The following COL2A1 variants were observed in gnomAD, a reference collection of about 807,000 sequenced individuals.
COL2A1 encodes collagen alpha-1(II) chain.
COL2A1 carries 28 observed loss-of-function variants against 204.5 expected under a neutral mutation model. The ratio of observed to expected loss-of-function variants is 0.14; its 90% CI spans 0.10 to 0.19. The LOEUF is 0.19. Ranked by LOEUF, COL2A1 falls within the 10% of genes least tolerant of loss-of-function variation. The pLI, the probability that COL2A1 is intolerant of heterozygous loss-of-function variation, is 1.00. For synonymous variants in COL2A1, 708 were observed against 718.7 expected, an observed-to-expected ratio of 0.99 and a Z score of 0.24; for missense variants, 1,388 against 2,027.5, an observed-to-expected ratio of 0.68 and a Z score of 6.06.
At chr12:48,004,148 C>T (rs367772482) in intron 1 of COL2A1, 89 bp downstream of exon 1, 2 of 1,024,750 alleles carry the variant, frequency 2.0e-6, no homozygotes. Context: ...CCCGGAGCCG[C>T]GGGCTCCAGA....
chr12:47,983,765 G>T (rs1238859237), intron 29 of COL2A1, 29 bp from the exon 30 acceptor site: 13 of 1,566,732 alleles, frequency 8.3e-6, no homozygotes, highest in Non-Finnish European at 1.1e-5. Flanking sequence ...GGTGAGCTGA[G>T]CCAGTGTTCC....
intron 11 of COL2A1, among the ~76,000 whole-genome samples, chr12:47,994,909 G>C (rs1394254463): frequency 6.6e-6 from 1 of 152,160 alleles, no homozygotes. Flanking sequence ...TTACAATTAA[G>C]ATAATGCTGG....
In COL2A1 at chr12:47,987,046, A is replaced by C. The variant is rs1225252198; in HGVS notation, c.1365+32T>G. On this transcript the variant is annotated intron_variant, in intron 21 of 53. Coordinates refer to ENST00000380518, the MANE Select transcript of COL2A1 (RefSeq NM_001844.5). The surrounding 1 kb of genome is among the most constrained non-coding windows in gnomAD (Gnocchi z 4.1). ...GATGGGGTTTGACTCCAGAGATGTC[A>C]GTGGAACTTGGGGGTCACTTTGGGC... 6.2e-7 allele frequency: 1 copy of C among 1,602,406 alleles called. No homozygotes were observed. Among genetic ancestry groups the C allele is most frequent in the East Asian group, 2.2e-5 (1 of 44,826 alleles).
At chr12:47,993,782 A>C (rs746208491) in intron 14 of COL2A1, 27 bp downstream of exon 14, 1 of 1,612,594 alleles carries the variant, frequency 6.2e-7, no homozygotes, top group Non-Finnish European at 8.5e-7. Context: ...CCTCCTCCCC[A>C]TCCCATTGTA....
Position 47,992,673 on chromosome 12 carries a change from C to G in COL2A1, c.1023+205G>C, listed in dbSNP as rs546823037. ...CTGGTTAAGAGAATCATGCTTTCAC[C>G]CATCGACCCTCCCATTCCTATCCTT... On this transcript the variant is annotated intron_variant, in intron 16 of 53. Transcript: ENST00000380518. Among the ~76,000 whole-genome samples, 420 of 152,240 alleles carry G rather than the reference C, an allele frequency of 2.8e-3. 1 individual carries two copies. The highest frequency in any genetic ancestry group is 9.2e-3 in the African/African-American group (383 of 41,522).
intron 35 of COL2A1, 89 bp from the exon 36 acceptor site, chr12:47,981,918 C>A: frequency 2.2e-6 from 3 of 1,393,522 alleles, no homozygotes; most frequent in Non-Finnish European, 3.0e-6. Context: ...GGTGCGTGCT[C>A]CCACCGCCTC....
At chr12:47,995,407 CT>C in intron 10 of COL2A1, 99 bp from the exon 11 acceptor site, 1 of 1,073,430 alleles carries the variant, frequency 9.3e-7, no homozygotes, top group Non-Finnish European at 1.5e-6. Context: ...GCCAGTTCTT[CT>C]ATGAAGAAGA....
chr12:47,983,631 G>C, intron 30 of COL2A1, 52 bp downstream of exon 30: 1 of 1,562,918 alleles, frequency 6.4e-7, no homozygotes, highest in Non-Finnish European at 8.7e-7. Context: ...CTGTCCCAGG[G>C]AGCCCTGGGT....
rs1938753394 is a variant in COL2A1 at position 47,977,100 on chromosome 12, A to G, written c.3327+2T>C. The G allele has an allele frequency of 1.2e-6, 2 of 1,604,706 alleles. No homozygotes were observed. Among genetic ancestry groups the G allele is most frequent in the African/African-American group, 2.7e-5 (2 of 74,836 alleles). On this transcript the variant is annotated splice_donor_variant, in intron 47 of 53. Transcript: ENST00000380518. LOFTEE classifies it high-confidence loss of function. ...CTCAGTGCAGGACACTTGGATACTC[A>G]CCTGGATTCCCCGGGCTCCAGCTGG...
chr12:48,004,508 C>T (rs41317877), upstream of COL2A1: 6,011 of 525,444 alleles, frequency 0.011, 154 homozygotes, highest in African/African-American at 0.072. Flanking sequence ...CCGTTATATG[C>T]GCCCGGCCCC....
chr12:48,001,628 C>T (rs1420397285), intron 1 of COL2A1, among the ~76,000 whole-genome samples: 3 of 152,212 alleles, frequency 2.0e-5, no homozygotes, highest in South Asian at 2.1e-4. Context: ...CCGGGAAGCG[C>T]CGGCGCAGGG....
rs545269692 is a variant in COL2A1 at position 47,986,775 on chromosome 12, G to A, written c.1419+60C>T. The A allele has an allele frequency of 2.3e-5, 36 of 1,596,352 alleles. No homozygotes were observed. The Admixed American group carries it at 2.8e-4, about 13-fold the overall frequency. On this transcript the variant is annotated intron_variant, in intron 22 of 53. Coordinates refer to ENST00000380518, the MANE Select transcript of COL2A1 (RefSeq NM_001844.5). ...AGGGAGGTGGTGGGTCAGTGGGGCT[G>A]AGGCCTGTGCCTCATAGAACAGCAG...
At chr12:48,004,869 A>G (rs1194640414), upstream of COL2A1, among the ~76,000 whole-genome samples, 1 of 152,126 alleles carries the variant, frequency 6.6e-6, no homozygotes, top group East Asian at 1.9e-4. Context: ...GCCCTAGACC[A>G]AGGACGGAAA....
Position 47,985,778 on chromosome 12 carries a change from C to T in COL2A1, c.1630G>A (p.Ala544Thr), listed in dbSNP as rs746870475. The change falls in exon 25 of 54, where the codon GCC becomes ACC. Residue 544 changes from alanine to threonine, a missense_variant. Around this residue, in one of 3 missense-constraint regions of COL2A1, gnomAD observed 884 missense variants for 1,415.8 expected, o/e 0.62. Coordinates refer to ENST00000380518, the MANE Select transcript of COL2A1 (RefSeq NM_001844.5). Reference sequence around the variant, plus strand: ...CCAGGACGGCCAGGGTCACCGTTGGCTCCCTTGGGGCCAGCAAGACCACTG... The same window carrying T: ...CCAGGACGGCCAGGGTCACCGTTGGTTCCCTTGGGGCCAGCAAGACCACTG... ...GPSGLAGPKG[A>T]NGDPGRPGEP... The T allele has an allele frequency of 6.2e-7, 1 of 1,613,672 alleles. No individual in the cohort carries two copies. Among genetic ancestry groups the T allele is most frequent in the Admixed American group, 1.7e-5 (1 of 59,986 alleles).
Position 47,978,464 on chromosome 12 carries a change from GCT to G in COL2A1, c.2896-68_2896-67del. The G allele has an allele frequency of 1.3e-6, 2 of 1,583,742 alleles. No homozygotes were observed. Among genetic ancestry groups the G allele is most frequent in the South Asian group, 2.3e-5 (2 of 88,624 alleles). On this transcript the variant is annotated intron_variant, in intron 42 of 53. Transcript: ENST00000380518. This position sits in a 1 kb window ranked among gnomAD's most constrained non-coding sequence, Gnocchi z 5.5. ...CAGCCTCTTCTGTCCTCTCAGCACA[GCT>G]CTGTCTGTGCAGCCCCGCTCCCTGG... is the stretch of plus-strand genomic sequence containing the variant.
At position 47,981,704 on chromosome 12, in the gene COL2A1, G is replaced by T. The variant is rs1000890754; in HGVS notation, c.2409+72C>A. 3.4e-6 allele frequency: 5 copies of T among 1,478,178 alleles called. No homozygotes were observed. The African/African-American group carries it at 7.0e-5, about 21-fold the overall frequency. 91.6% of individuals were successfully genotyped at this position (1,478,178 alleles called of 1,614,324 possible). On this transcript the variant is annotated intron_variant, in intron 36 of 53. Coordinates refer to ENST00000380518, the MANE Select transcript of COL2A1 (RefSeq NM_001844.5). ...TGGTGAGGGAGGACAAGACAGAACCGCCTTTGGCAGGAGATAAGAAGGAGG... is the reference window on the plus strand; with the variant it reads ...TGGTGAGGGAGGACAAGACAGAACCTCCTTTGGCAGGAGATAAGAAGGAGG...
At position 47,998,091 on chromosome 12, in the gene COL2A1, T is replaced by C. The variant is rs777206028; in HGVS notation, c.343-27A>G. On this transcript the variant is annotated intron_variant, in intron 4 of 53. Transcript: ENST00000380518. ...TGTGAGAGAGAGCCCCACAGGATGG[T>C]AAGTTAGAGGAGAGCACAAGGAAAT... 3.7e-6 allele frequency: 6 copies of C among 1,614,072 alleles called. No individual in the cohort carries two copies. In the East Asian group the frequency reaches 8.9e-5, roughly 24 times the overall value.
In COL2A1 at chr12:47,975,423, C is replaced by T. The variant is rs770224588; in HGVS notation, c.3780G>A (p.Lys1260=). Residue 1260 remains lysine, a synonymous_variant, in exon 51 of 54, where the codon AAG becomes AAA. Coordinates refer to ENST00000380518, the MANE Select transcript of COL2A1 (RefSeq NM_001844.5). The part of the protein sequence containing the change: ...QHDAEVDATL[K]SLNNQIESIR... The stretch of plus-strand genomic sequence containing the variant: ...TGCTCTCAATCTGGTTGTTGAGGGA[C>T]TTGAGTGTGGCATCCACCTCGGCGT... 4 of 1,614,182 alleles carry T rather than the reference C, an allele frequency of 2.5e-6. No homozygotes were observed. Among genetic ancestry groups the T allele is most frequent in the Non-Finnish European group, 3.4e-6 (4 of 1,180,030 alleles).
rs374462983 is a variant in COL2A1 at position 47,978,427 on chromosome 12, C to T, written c.2896-29G>A. ...AGAGAGGAGAGGCAGGAGATGAGAA[C>T]TGACAGTGGCCCAGCCTCTTCTGTC... On this transcript the variant is annotated intron_variant, in intron 42 of 53. Coordinates refer to ENST00000380518, the MANE Select transcript of COL2A1 (RefSeq NM_001844.5). This position sits in a 1 kb window ranked among gnomAD's most constrained non-coding sequence, Gnocchi z 5.5. The T allele has an allele frequency of 5.6e-6, 9 of 1,607,452 alleles. No individual in the cohort carries two copies. The African/African-American group carries it at 9.4e-5, about 17-fold the overall frequency.
Sources: allele counts gnomAD v4.1 joint callset (sites outside exome capture counted in the v4.1 genomes callset), GRCh38; gene constraint gnomAD v4.1.1; regional missense constraint gnomAD v4.1.1; non-coding constraint Gnocchi (gnomAD v3.1); transcripts MANE v1.5; gene names NCBI Gene and HGNC (gene_info 2026-07-23, HGNC 2026-07-21).